The following MACROD2 variants were observed in gnomAD, a reference collection of about 807,000 sequenced individuals.
The protein encoded by MACROD2 is ADP-ribose glycohydrolase MACROD2.
A neutral mutation model predicts 70.4 loss-of-function variants in MACROD2; 36 were observed. The ratio of observed to expected loss-of-function variants is 0.51; its 90% CI spans 0.39 to 0.68. MACROD2 has a LOEUF of 0.68. Among genes scored for constraint, MACROD2 ranks in the 30% least tolerant of loss-of-function variants. The pLI is 0.00. For synonymous variants in MACROD2, 172 were observed against 178.8 expected, an observed-to-expected ratio of 0.96 and a Z score of 0.30; for missense variants, 496 against 538.4, an observed-to-expected ratio of 0.92 and a Z score of 0.78.
chr20:15,125,671 G>A (rs2123261146), intron 5 of MACROD2, among the ~76,000 whole-genome samples: 1 of 151,912 alleles, frequency 6.6e-6, no homozygotes, highest in Non-Finnish European at 1.5e-5. Context: ...GTAATAACCG[G>A]TATTTTCTCT....
At chr20:15,813,910 T>C (rs2063846154) in intron 8 of MACROD2, among the ~76,000 whole-genome samples, 1 of 152,250 alleles carries the variant, frequency 6.6e-6, no homozygotes, top group Non-Finnish European at 1.5e-5. Flanking sequence ...TTACCTACCA[T>C]TGCTTTTATT....
intron 3 of MACROD2, among the ~76,000 whole-genome samples, chr20:14,244,510 G>A (rs1001428889): frequency 3.3e-5 from 5 of 152,166 alleles, no homozygotes; most frequent in East Asian, 1.9e-4. Flanking sequence ...CAGGCTGCAT[G>A]TTATGAATAG....
chr20:14,290,910 G>A (rs550293218), intron 3 of MACROD2, among the ~76,000 whole-genome samples: 2 of 152,304 alleles, frequency 1.3e-5, no homozygotes, highest in South Asian at 4.1e-4. Context: ...AAGCACAGCT[G>A]CTTGAAAATT....
intron 5 of MACROD2, among the ~76,000 whole-genome samples, chr20:14,858,639 C>T (rs1252388132): frequency 6.6e-6 from 1 of 152,076 alleles, no homozygotes; most frequent in East Asian, 1.9e-4. Flanking sequence ...GGTCAGTATA[C>T]GTTTTAGTGC....
intron 2 of MACROD2, among the ~76,000 whole-genome samples, chr20:14,061,205 T>C (rs1221330503): frequency 6.6e-6 from 1 of 152,206 alleles, no homozygotes; most frequent in Non-Finnish European, 1.5e-5. Flanking sequence ...GATTACATCT[T>C]CTATTAATAG....
chr20:15,486,848 T>C (rs543135437), intron 7 of MACROD2, among the ~76,000 whole-genome samples: 7 of 152,216 alleles, frequency 4.6e-5, no homozygotes, highest in Non-Finnish European at 4.4e-5. Flanking sequence ...GTATCAGTCA[T>C]ATTTTTCCGC....
At chr20:14,405,169 A>G (rs2083679155) in intron 3 of MACROD2, among the ~76,000 whole-genome samples, 3 of 152,174 alleles carry the variant, frequency 2.0e-5, no homozygotes, top group Admixed American at 2.0e-4. Flanking sequence ...TGTAACAGTA[A>G]TTTATGTACT....
chr20:15,747,455 G>C (rs1472237474), intron 8 of MACROD2, among the ~76,000 whole-genome samples: 2 of 152,158 alleles, frequency 1.3e-5, no homozygotes, highest in Non-Finnish European at 2.9e-5. Flanking sequence ...AGTCCTTAGT[G>C]ATGAATGAAG....
chr20:15,654,628 G>A (rs994998895), intron 8 of MACROD2, among the ~76,000 whole-genome samples: 5 of 152,182 alleles, frequency 3.3e-5, no homozygotes, highest in Admixed American at 1.3e-4. Context: ...GTGGGGAAAT[G>A]GTTAAGTCTG....
chr20:15,028,790 T>A (rs1023135346), intron 5 of MACROD2, among the ~76,000 whole-genome samples: 1 of 152,060 alleles, frequency 6.6e-6, no homozygotes, highest in African/African-American at 2.4e-5. Flanking sequence ...ACTGGATACA[T>A]GGAGGTCAGA....
At chr20:15,861,793 A>G (rs2064427818) in intron 8 of MACROD2, among the ~76,000 whole-genome samples, 1 of 152,164 alleles carries the variant, frequency 6.6e-6, no homozygotes, top group African/African-American at 2.4e-5. Flanking sequence ...TAGGTGGGTG[A>G]CTTCCATGGG....
intron 5 of MACROD2, among the ~76,000 whole-genome samples, chr20:14,767,646 TA>T (rs897221650): frequency 1.1e-4 from 16 of 152,100 alleles, no homozygotes; most frequent in African/African-American, 2.9e-4. Context: ...TTCTTTTTTT[TA>T]AAAAAAATTA....
At chr20:14,539,879 G>T (rs2085410083) in intron 4 of MACROD2, among the ~76,000 whole-genome samples, 1 of 152,158 alleles carries the variant, frequency 6.6e-6, no homozygotes, top group African/African-American at 2.4e-5. Context: ...GAGGTAGATT[G>T]GGAGGAAAGC....
chr20:14,171,498 C>A (rs1229397110), intron 3 of MACROD2, among the ~76,000 whole-genome samples: 2 of 152,050 alleles, frequency 1.3e-5, no homozygotes, highest in African/African-American at 2.4e-5. Context: ...CCTCCTAGTG[C>A]CATTTTTGCT....
At chr20:14,668,964 T>C (rs975059290) in intron 4 of MACROD2, among the ~76,000 whole-genome samples, 13 of 152,164 alleles carry the variant, frequency 8.5e-5, no homozygotes, top group Non-Finnish European at 8.8e-5. Flanking sequence ...AGGTCTTTGC[T>C]AAAACTTAGT....
chr20:15,262,413 G>C (rs6034137), intron 6 of MACROD2, among the ~76,000 whole-genome samples: 12 of 151,778 alleles, frequency 7.9e-5, no homozygotes, highest in Non-Finnish European at 2.9e-5. Context: ...ACTCCATTGC[G>C]TATATGTACC....
rs146712690 is a variant in MACROD2, at chr20:16,004,317, G to A, written c.1153+17159G>A. On this transcript the variant is annotated intron_variant, in intron 15 of 17. Coordinates refer to ENST00000684519, the MANE Select transcript of MACROD2 (RefSeq NM_001351661.2). ...ATATGGACAAGGGAACACAGAGACC[G>A]CGTGCCTAGGTTAGAAGAGTACAGA... Among the ~76,000 whole-genome samples, 48 of 152,288 alleles carry A rather than the reference G, an allele frequency of 3.2e-4. No individual in the cohort carries two copies. The East Asian group carries it at 6.4e-3, about 20-fold the overall frequency.
intron 15 of MACROD2, among the ~76,000 whole-genome samples, chr20:16,025,235 C>T (rs906226092): frequency 1.3e-5 from 2 of 152,086 alleles, no homozygotes; most frequent in African/African-American, 4.8e-5. Context: ...ATTTGGTGCT[C>T]GCAGAGTCCA....
intron 8 of MACROD2, among the ~76,000 whole-genome samples, chr20:15,704,470 T>C (rs1314744013): frequency 6.6e-6 from 1 of 152,300 alleles, no homozygotes; most frequent in Middle Eastern, 3.4e-3. Flanking sequence ...TAGTACATAA[T>C]ATAGTATGAG....
Sources: allele counts gnomAD v4.1 joint callset (sites outside exome capture counted in the v4.1 genomes callset), GRCh38; gene constraint gnomAD v4.1.1; transcripts MANE v1.5; gene names NCBI Gene and HGNC (gene_info 2026-07-23, HGNC 2026-07-21).